The following PSCA variants were observed in gnomAD, a reference collection of about 807,000 sequenced individuals.
PSCA encodes the protein prostate stem cell antigen.
Under a neutral mutation model 7.9 loss-of-function variants are expected in PSCA, and 7 were observed. The ratio of observed to expected loss-of-function variants is 0.89; its 90% CI spans 0.51 to 1.67. The LOEUF is 1.67. PSCA is among the 40% of genes most tolerant of loss of function. PSCA has a pLI of 0.00. For missense variants in PSCA, 151 were observed against 147.9 expected, an observed-to-expected ratio of 1.02 and a Z score of -0.11; for synonymous variants, 61 against 68.3, an observed-to-expected ratio of 0.89 and a Z score of 0.53.
chr8:142,673,316 G>A lies in PSCA; in HGVS notation n.261+2748G>A, dbSNP rs1847357149. ...CAGTGCTGGTGGGCAGTGGGGATTG[G>A]CATGAAACTGGGGCCTCATCCCAAG... On this transcript the variant is annotated intron_variant and non_coding_transcript_variant, in intron 1 of 1. Coordinates refer to the PSCA transcript ENST00000505305. This position sits in a 1 kb window ranked among gnomAD's most constrained non-coding sequence, Gnocchi z 4.6. 6.6e-6 allele frequency among the ~76,000 whole-genome samples: 1 copy of A among 152,172 alleles called. No homozygotes were observed. The highest frequency in any genetic ancestry group is 1.5e-5 in the Non-Finnish European group (1 of 68,024).
At chr8:142,680,373 G>C (rs1554638164), upstream of PSCA, 1 of 710,080 alleles carries the variant, frequency 1.4e-6, no homozygotes, top group African/African-American at 1.8e-5. Context: ...TCAGGGAGGA[G>C]ACTCGGACCT....
intron 1 of PSCA, among the ~76,000 whole-genome samples, chr8:142,671,306 G>A (rs1353288129): frequency 6.6e-6 from 1 of 152,116 alleles, no homozygotes; most frequent in Admixed American, 6.5e-5. Flanking sequence ...TGGAGGAAGG[G>A]GCCACAAGCC....
chr8:142,680,788 C>T (rs587599064), intron 1 of PSCA: 10 of 616,830 alleles, frequency 1.6e-5, no homozygotes, highest in Middle Eastern at 4.3e-4. Context: ...AGGGGCAGCA[C>T]GGAGTCACTC....
upstream of PSCA, among the ~76,000 whole-genome samples, chr8:142,679,235 T>G (rs1554638080): frequency 1.3e-5 from 2 of 152,244 alleles, no homozygotes. Context: ...CTCCTGCTAC[T>G]GCAGAGGCTG....
chr8:142,670,780 C>T (rs1847308702), intron 1 of PSCA, among the ~76,000 whole-genome samples: 1 of 152,162 alleles, frequency 6.6e-6, no homozygotes, highest in Non-Finnish European at 1.5e-5. Context: ...ACTGCAAATG[C>T]AATGAAGTTA....
intron 1 of PSCA, 167 bp downstream of exon 1, chr8:142,680,730 G>T: frequency 2.2e-6 from 2 of 914,776 alleles, no homozygotes; most frequent in South Asian, 3.2e-5. Flanking sequence ...CTCTTGGCAC[G>T]ACCAGGCAGC....
intron 1 of PSCA, among the ~76,000 whole-genome samples, chr8:142,672,802 T>C (rs1554637501): frequency 3.9e-4 from 59 of 152,288 alleles, no homozygotes; most frequent in Non-Finnish European, 1.5e-5. Context: ...CCCCAGCAGA[T>C]TTTATAGGCA....
At chr8:142,677,701 A>G (rs1242820105), upstream of PSCA, among the ~76,000 whole-genome samples, 6 of 151,950 alleles carry the variant, frequency 3.9e-5, no homozygotes, top group African/African-American at 1.5e-4. Context: ...CTGAGCTTAC[A>G]GGACATGGGC....
chr8:142,681,724 G>A (rs186023349), intron 2 of PSCA, 197 bp from the exon 3 acceptor site: 104 of 607,284 alleles, frequency 1.7e-4, no homozygotes, highest in South Asian at 1.6e-3. Flanking sequence ...GACGCTCAGC[G>A]GGTGGTCCAT....
chr8:142,681,261 G>A (rs1814625349), intron 1 of PSCA, 66 bp from the exon 2 acceptor site: 2 of 1,290,332 alleles, frequency 1.5e-6, no homozygotes, highest in South Asian at 1.3e-5. Flanking sequence ...CCACCTGCCT[G>A]GGAGCCCCCA....
chr8:142,677,199 G>A (rs929755981), upstream of PSCA, among the ~76,000 whole-genome samples: 55 of 152,310 alleles, frequency 3.6e-4, no homozygotes, highest in African/African-American at 1.1e-3. Flanking sequence ...CTGTGGTCAG[G>A]GGTGGGGCTC....
rs1814666893 is a variant in PSCA, at chr8:142,682,330, T to C, written c.*198T>C. The C allele has an allele frequency of 1.4e-6, 1 of 735,480 alleles. No homozygotes were observed. The highest frequency in any genetic ancestry group is 2.7e-5 in the East Asian group (1 of 37,374). 45.6% of individuals were successfully genotyped at this position (735,480 alleles called of 1,614,324 possible). A position where few individuals can be genotyped will look rare whatever the true frequency, so the allele number is the denominator to read the frequency against. ...CTCTCCAGGACTCCCACCCGGCAGA[T>C]CGGCTCTATTGACACAGATCCGCCT... On this transcript the variant is annotated 3_prime_UTR_variant, in exon 3 of 3. Coordinates refer to ENST00000301258, the MANE Select transcript of PSCA (RefSeq NM_005672.5).
chr8:142,681,071 TCA>T (rs1847457364), intron 1 of PSCA: 2 of 502,970 alleles, frequency 4.0e-6, no homozygotes, highest in Non-Finnish European at 7.2e-6. Flanking sequence ...GGTCCCGGGT[TCA>T]GTCACCCCCA....
Position 142,682,658 on chromosome 8 carries a change from C to T in PSCA, c.*526C>T, listed in dbSNP as rs1563806303. 2.9e-6 allele frequency: 1 copy of T among 346,308 alleles called. No homozygotes were observed. The highest frequency in any genetic ancestry group is 4.9e-4 in the Middle Eastern group (1 of 2,024). 21.5% of individuals were successfully genotyped at this position (346,308 alleles called of 1,614,324 possible). On this transcript the variant is annotated 3_prime_UTR_variant, in exon 3 of 3. Transcript: ENST00000301258. Reference sequence around the variant, plus strand: ...GGAGGAAGGGGCCAGGCCTCACATTCGTGGGGCTCCCTGAATGGCAGCCTC... The same window carrying T: ...GGAGGAAGGGGCCAGGCCTCACATTTGTGGGGCTCCCTGAATGGCAGCCTC...
chr8:142,672,673 A>G (rs1340935038), intron 1 of PSCA, among the ~76,000 whole-genome samples: 2 of 152,378 alleles, frequency 1.3e-5, no homozygotes, highest in Non-Finnish European at 2.9e-5. Context: ...GATTAAGGAC[A>G]TGGACTCATG....
intron 1 of PSCA, among the ~76,000 whole-genome samples, chr8:142,671,402 A>AC (rs1429064213): frequency 6.6e-6 from 1 of 152,068 alleles, no homozygotes; most frequent in Non-Finnish European, 1.5e-5. Context: ...CAGCCTGCTG[A>AC]CCCCTTGATC....
chr8:142,670,733 C>G (rs1245352365), intron 1 of PSCA, among the ~76,000 whole-genome samples: 4 of 152,146 alleles, frequency 2.6e-5, no homozygotes, highest in Non-Finnish European at 5.9e-5. Context: ...TCCTAACTTC[C>G]AGGTCTTGTG....
intron 1 of PSCA, among the ~76,000 whole-genome samples, chr8:142,674,219 T>C (rs1001241839): frequency 8.3e-5 from 12 of 145,124 alleles, no homozygotes; most frequent in African/African-American, 2.9e-4. Flanking sequence ...TCCTAATGAA[T>C]AACGGCTGGG....
At position 142,682,452 on chromosome 8, in the gene PSCA, T is replaced by C; in HGVS notation, c.*320T>C. ...CAGGCACCTCTTCCCCCAGGAAGCC[T>C]TCCCTGCCCACCCCATCTATGACTT... On this transcript the variant is annotated 3_prime_UTR_variant, in exon 3 of 3. Coordinates refer to ENST00000301258, the MANE Select transcript of PSCA (RefSeq NM_005672.5). 1.6e-6 allele frequency: 1 copy of C among 619,862 alleles called. No individual in the cohort carries two copies. The highest frequency in any genetic ancestry group is 3.0e-6 in the Non-Finnish European group (1 of 331,584). The allele number at this position is 619,862 out of a possible 1,614,324, so 38.4% of individuals were successfully genotyped here.
Sources: gnomAD v4.1 joint callset for allele counts (sites outside exome capture counted in the v4.1 genomes callset) on GRCh38, gnomAD v4.1.1 for gene constraint, Gnocchi (gnomAD v3.1) non-coding constraint, MANE v1.5 for transcripts, NCBI Gene and HGNC (gene_info 2026-07-23, HGNC 2026-07-21) for gene names.